CADPS2: variants seen among roughly 807,000 people sequenced by gnomAD.
The protein encoded by CADPS2 is calcium-dependent secretion activator 2.
A neutral mutation model predicts 172.5 loss-of-function variants in CADPS2; 93 were observed. That is an observed-to-expected ratio of 0.54 (90% CI 0.46 to 0.64). The LOEUF is 0.64. Among genes scored for constraint, CADPS2 ranks in the 30% least tolerant of loss-of-function variants. The pLI, the probability that CADPS2 is intolerant of heterozygous loss-of-function variation, is 0.00. For missense variants in CADPS2, 1,420 were observed against 1,565.9 expected (o/e 0.91, Z 1.57); for synonymous variants, 546 against 555.2 (o/e 0.98, Z 0.23).
intron 7 of CADPS2, among the ~76,000 whole-genome samples, chr7:122,561,136 C>T (rs981642618): frequency 6.6e-6 from 1 of 152,116 alleles, no homozygotes. Flanking sequence ...AGACACAGTG[C>T]TCTTTTGTAT....
At chr7:122,512,596 T>C (rs1310357780) in intron 9 of CADPS2, among the ~76,000 whole-genome samples, 1 of 152,146 alleles carries the variant, frequency 6.6e-6, no homozygotes, top group Non-Finnish European at 1.5e-5. Context: ...ACCAGTCAAG[T>C]TGACTTAAAA....
At chr7:122,786,944 C>G (rs999796467) in intron 1 of CADPS2, among the ~76,000 whole-genome samples, 2 of 152,180 alleles carry the variant, frequency 1.3e-5, no homozygotes, top group Non-Finnish European at 2.9e-5. Context: ...ATGGATGTAG[C>G]ATTTCTCACA....
chr7:122,783,712 TA>T (rs937114364), intron 1 of CADPS2, among the ~76,000 whole-genome samples: 2 of 152,154 alleles, frequency 1.3e-5, no homozygotes, highest in African/African-American at 4.8e-5. Flanking sequence ...TCAAAACCAT[TA>T]GAGGATAATT....
intron 1 of CADPS2, among the ~76,000 whole-genome samples, chr7:122,857,082 T>C (rs1489657800): frequency 6.6e-6 from 1 of 152,170 alleles, no homozygotes; most frequent in African/African-American, 2.4e-5. Context: ...TATATAACCA[T>C]TGAAATATTA....
chr7:122,742,103 T>TA (rs1354465420), intron 1 of CADPS2, among the ~76,000 whole-genome samples: 1 of 152,076 alleles, frequency 6.6e-6, no homozygotes, highest in Non-Finnish European at 1.5e-5. Context: ...TTTAAAAATC[T>TA]AAACAAACTG....
chr7:122,803,819 A>T (rs983604699), intron 1 of CADPS2, among the ~76,000 whole-genome samples: 2 of 152,260 alleles, frequency 1.3e-5, no homozygotes, highest in African/African-American at 4.8e-5. Context: ...AAGTGATTAC[A>T]CTTAAGTCCT....
rs569039377 is a variant in CADPS2 at position 122,630,084 on chromosome 7, G to A, written c.787-756C>T. Among the ~76,000 whole-genome samples, 34 of 152,230 alleles carry A rather than the reference G, an allele frequency of 2.2e-4. 2 individuals carry two copies. The highest frequency in any genetic ancestry group is 6.8e-3 in the Middle Eastern group (2 of 294). ...TTAGTCCCTTTATAAAAATGTTAAA[G>A]TGAGGATGTTAAGTGTTAATTTTCT... On this transcript the variant is annotated intron_variant, in intron 3 of 29. Coordinates refer to ENST00000449022, the MANE Select transcript of CADPS2 (RefSeq NM_017954.11).
chr7:122,590,369 T>C (rs548274463), intron 6 of CADPS2, among the ~76,000 whole-genome samples: 1 of 152,048 alleles, frequency 6.6e-6, no homozygotes, highest in Admixed American at 6.6e-5. Context: ...TAAAAATTAA[T>C]GGGATATCCA....
intron 1 of CADPS2, among the ~76,000 whole-genome samples, chr7:122,783,514 C>G (rs1290469575): frequency 3.3e-5 from 5 of 152,130 alleles, no homozygotes; most frequent in Admixed American, 6.5e-5. Flanking sequence ...CTTGCAGACC[C>G]TTGACCTGGT....
At chr7:122,817,459 C>G (rs939814295) in intron 1 of CADPS2, among the ~76,000 whole-genome samples, 7 of 152,162 alleles carry the variant, frequency 4.6e-5, no homozygotes, top group Non-Finnish European at 8.8e-5. Flanking sequence ...ACAAAGGCGA[C>G]ACGTTTTATC....
intron 3 of CADPS2, among the ~76,000 whole-genome samples, chr7:122,657,293 CTCT>C (rs2079923502): frequency 6.6e-6 from 1 of 152,148 alleles, no homozygotes; most frequent in Non-Finnish European, 1.5e-5. Flanking sequence ...GCAATGCAGG[CTCT>C]TTTTTGGTTC....
At chr7:122,495,844 T>G (rs2130064083) in intron 9 of CADPS2, among the ~76,000 whole-genome samples, 1 of 152,278 alleles carries the variant, frequency 6.6e-6, no homozygotes. Flanking sequence ...TTTTGCCAAC[T>G]TTGATGGGTG....
intron 18 of CADPS2, 28 bp from the exon 19 acceptor site, chr7:122,414,104 T>C (rs759887756): frequency 3.3e-6 from 5 of 1,511,848 alleles, no homozygotes; most frequent in Non-Finnish European, 1.8e-6. Flanking sequence ...TTTGGAAGCA[T>C]TGCAGAGTAG....
chr7:122,882,407 A>C (rs1446295305), intron 1 of CADPS2, among the ~76,000 whole-genome samples: 1 of 152,108 alleles, frequency 6.6e-6, no homozygotes, highest in African/African-American at 2.4e-5. Context: ...AAAATACATA[A>C]AAACTCAAAT....
intron 1 of CADPS2, among the ~76,000 whole-genome samples, chr7:122,742,672 G>T (rs1391968859): frequency 1.3e-5 from 2 of 152,100 alleles, no homozygotes; most frequent in East Asian, 1.9e-4. Context: ...CTTACATTGT[G>T]CTTATAATCA....
At chr7:122,779,900 CT>C (rs143325834) in intron 1 of CADPS2, among the ~76,000 whole-genome samples, 2,501 of 152,190 alleles carry the variant, frequency 0.016, 66 homozygotes, top group African/African-American at 0.057. Context: ...GTAGCCATTC[CT>C]TGCCTGTGTT....
At chr7:122,408,938 G>C (rs541511444) in intron 19 of CADPS2, among the ~76,000 whole-genome samples, 1 of 152,188 alleles carries the variant, frequency 6.6e-6, no homozygotes, top group Non-Finnish European at 1.5e-5. Context: ...GGTAAAGGCT[G>C]ACTTAAGGAA....
At chr7:122,398,766 C>CT (rs1429739315) in intron 20 of CADPS2, among the ~76,000 whole-genome samples, 27 of 151,248 alleles carry the variant, frequency 1.8e-4, no homozygotes, top group Non-Finnish European at 2.9e-4. Context: ...CTCTCTCTCC[C>CT]GCCGCCCTCC....
intron 1 of CADPS2, among the ~76,000 whole-genome samples, chr7:122,870,467 G>C (rs1819477547): frequency 6.6e-6 from 1 of 152,020 alleles, no homozygotes; most frequent in East Asian, 1.9e-4. Context: ...AGGCTGGAGG[G>C]AGTGGGAGGG....
Sources: gnomAD v4.1 joint callset for allele counts (sites outside exome capture counted in the v4.1 genomes callset) on GRCh38, gnomAD v4.1.1 for gene constraint, MANE v1.5 for transcripts, NCBI Gene and HGNC (gene_info 2026-07-23, HGNC 2026-07-21) for gene names.